Variants in MCHR2 observed in about 807,000 individuals in gnomAD.
MCHR2 encodes melanin concentrating hormone receptor 2.
Under a neutral mutation model 24.8 loss-of-function variants are expected in MCHR2, and 15 were observed. The observed-to-expected ratio is 0.60, with a 90% confidence interval of 0.40 to 0.93. MCHR2 has a LOEUF of 0.93. Ranked by LOEUF, MCHR2 falls within the 40% of genes least tolerant of loss-of-function variation. The probability of loss-of-function intolerance (pLI) is 0.00; values close to 1 mark genes in which losing one functional copy is unlikely to be tolerated. For synonymous variants in MCHR2, 151 were observed against 147.6 expected (o/e 1.02, Z -0.17); for missense variants, 386 against 408.7 (o/e 0.94, Z 0.48).
At chr6:99,972,554 T>G (rs2114571367) in intron 1 of MCHR2, among the ~76,000 whole-genome samples, 1 of 152,308 alleles carries the variant, frequency 6.6e-6, no homozygotes, top group East Asian at 1.9e-4. Context: ...TTTGGGTCTC[T>G]ATTTCCTTCA....
intron 1 of MCHR2, among the ~76,000 whole-genome samples, chr6:99,993,510 C>T (rs921606766): frequency 1.5e-4 from 23 of 152,278 alleles, no homozygotes; most frequent in African/African-American, 5.3e-4. Flanking sequence ...TTCCCGAACT[C>T]TTAGCAAACA....
intron 3 of MCHR2, among the ~76,000 whole-genome samples, chr6:99,943,526 C>T (rs1774818554): frequency 6.6e-6 from 1 of 151,498 alleles, no homozygotes; most frequent in African/African-American, 2.4e-5. Flanking sequence ...TGATGTTCCC[C>T]TTCCTGTGTC....
intron 1 of MCHR2, among the ~76,000 whole-genome samples, chr6:99,990,855 T>A (rs1030073252): frequency 2.0e-5 from 3 of 150,158 alleles, no homozygotes; most frequent in South Asian, 4.3e-4. Flanking sequence ...CCACCTCTCC[T>A]CCTTCCCACC....
Position 99,964,936 on chromosome 6 carries a change from A to T in MCHR2, c.-27-8762T>A, listed in dbSNP as rs1775265778. Among the ~76,000 whole-genome samples, 6 of 152,242 alleles carry T rather than the reference A, an allele frequency of 3.9e-5. No individual in the cohort carries two copies. The South Asian group carries it at 1.2e-3, about 32-fold the overall frequency. ...TTTTATAGAATTAAAAAACAAGGCA[A>T]AACGAATCTATATTACTAGGGCTAC... On this transcript the variant is annotated intron_variant, in intron 1 of 5. Transcript: ENST00000281806.
At position 99,918,765 on chromosome 6, in the gene MCHR2, A is replaced by G. The variant is rs1774167073; in HGVS notation, c.*2175T>C. ...ATATGCTTATGCATAGAAACGCTATATAAAGGGACAAAAATAAATTTATTA... is the reference window on the plus strand; with the variant it reads ...ATATGCTTATGCATAGAAACGCTATGTAAAGGGACAAAAATAAATTTATTA... On this transcript the variant is annotated 3_prime_UTR_variant, in exon 6 of 6. Coordinates refer to ENST00000281806, the MANE Select transcript of MCHR2 (RefSeq NM_001040179.2). Among the ~76,000 whole-genome samples, 1 of 152,232 alleles carries G rather than the reference A, an allele frequency of 6.6e-6. No homozygotes were observed. Among genetic ancestry groups the G allele is most frequent in the Admixed American group, 6.5e-5 (1 of 15,282 alleles).
chr6:99,963,307 C>A (rs78828781), intron 1 of MCHR2, among the ~76,000 whole-genome samples: 2,561 of 152,032 alleles, frequency 0.017, 72 homozygotes, highest in African/African-American at 0.059. Flanking sequence ...TTTACACATA[C>A]AATGGAATAT....
intron 1 of MCHR2, among the ~76,000 whole-genome samples, chr6:99,966,733 G>A (rs903280478): frequency 2.0e-5 from 3 of 152,160 alleles, no homozygotes; most frequent in African/African-American, 7.2e-5. Context: ...TTAAGCATTA[G>A]TATTTAAATT....
At chr6:99,970,722 T>C (rs1327758268) in intron 1 of MCHR2, among the ~76,000 whole-genome samples, 1 of 152,250 alleles carries the variant, frequency 6.6e-6, no homozygotes, top group South Asian at 2.1e-4. Context: ...TTGATCCATC[T>C]TGAATTAATT....
intron 4 of MCHR2, among the ~76,000 whole-genome samples, chr6:99,936,506 T>C (rs1774663150): frequency 6.6e-6 from 1 of 151,924 alleles, no homozygotes; most frequent in African/African-American, 2.4e-5. Flanking sequence ...TGGCTATAAA[T>C]GTGTGGATTT....
At position 99,959,554 on chromosome 6, in the gene MCHR2, A is replaced by G. The variant is rs1219206624; in HGVS notation, c.-27-3380T>C. On this transcript the variant is annotated intron_variant, in intron 1 of 5. Coordinates refer to ENST00000281806, the MANE Select transcript of MCHR2 (RefSeq NM_001040179.2). ...GATACTAAAGAAACAGTTAGATACT[A>G]ATTACCTGACAAATAATTCAAAATA... Among the ~76,000 whole-genome samples the G allele has an allele frequency of 7.6e-5, 11 of 144,794 alleles. No individual in the cohort carries two copies. The Admixed American group carries it at 7.8e-4, about 10-fold the overall frequency. 95.0% of individuals were successfully genotyped at this position (144,794 alleles called of 152,430 possible). A position where few individuals can be genotyped will look rare whatever the true frequency, so the allele number is the denominator to read the frequency against.
At chr6:99,985,680 A>C (rs757801049) in intron 1 of MCHR2, among the ~76,000 whole-genome samples, 17 of 152,120 alleles carry the variant, frequency 1.1e-4, no homozygotes, top group Non-Finnish European at 2.2e-4. Flanking sequence ...GTTAATGCAA[A>C]ATTGATTAGA....
At chr6:99,963,842 A>G (rs766168418) in intron 1 of MCHR2, among the ~76,000 whole-genome samples, 7 of 152,120 alleles carry the variant, frequency 4.6e-5, no homozygotes, top group African/African-American at 1.2e-4. Context: ...AAGAAAGCCG[A>G]AAGTCAAGTC....
intron 1 of MCHR2, among the ~76,000 whole-genome samples, chr6:99,968,348 A>G (rs1240439691): frequency 6.6e-6 from 1 of 152,180 alleles, no homozygotes; most frequent in East Asian, 1.9e-4. Flanking sequence ...GATCACTCCC[A>G]TGATCCCATC....
At chr6:99,949,902 T>C (rs1774935522) in intron 2 of MCHR2, among the ~76,000 whole-genome samples, 1 of 130,330 alleles carries the variant, frequency 7.7e-6, no homozygotes, top group South Asian at 2.8e-4. Context: ...AGCAGTCAGA[T>C]AGAAAGAGCT....
intron 1 of MCHR2, among the ~76,000 whole-genome samples, chr6:99,979,867 T>C (rs955746432): frequency 2.2e-4 from 34 of 152,158 alleles, no homozygotes; most frequent in Non-Finnish European, 4.9e-4. Flanking sequence ...TTTAATAGGG[T>C]TAAAGAAGAA....
In MCHR2 at chr6:99,991,823, A is replaced by AG. The variant is rs1287168519; in HGVS notation, c.-28+2112_-28+2113insC. Among the ~76,000 whole-genome samples, 4 of 150,570 alleles carry AG rather than the reference A, an allele frequency of 2.7e-5. No homozygotes were observed. The East Asian group carries it at 5.8e-4, about 22-fold the overall frequency. On this transcript the variant is annotated intron_variant, in intron 1 of 5. Transcript: ENST00000281806. ...GACTCCGTCTCAAAAAAAAAAAAAA[A>AG]AAAGAAAAGAAAAAAGAAATGAGGC...
At chr6:99,953,422 A>G (rs781397283) in intron 2 of MCHR2, among the ~76,000 whole-genome samples, 10 of 152,118 alleles carry the variant, frequency 6.6e-5, no homozygotes, top group Non-Finnish European at 1.5e-4. Flanking sequence ...TGGAAGGAGA[A>G]CTGGGCAGGT....
chr6:99,923,959 CA>C (rs1440376897), intron 5 of MCHR2, among the ~76,000 whole-genome samples: 1 of 152,014 alleles, frequency 6.6e-6, no homozygotes, highest in African/African-American at 2.4e-5. Context: ...CCTGCTCTTC[CA>C]CATTTCAGAA....
intron 1 of MCHR2, among the ~76,000 whole-genome samples, chr6:99,991,761 C>T (rs1163700152): frequency 9.9e-5 from 13 of 131,634 alleles, no homozygotes; most frequent in Admixed American, 3.7e-4. Context: ...GAGCAGAGAC[C>T]GCGCGACACT....
Sources: gnomAD v4.1 joint callset for allele counts (sites outside exome capture counted in the v4.1 genomes callset) on GRCh38, gnomAD v4.1.1 for gene constraint, MANE v1.5 for transcripts, NCBI Gene and HGNC (gene_info 2026-07-23, HGNC 2026-07-21) for gene names.